BCKDHB: variants seen among roughly 807,000 people sequenced by gnomAD.
BCKDHB encodes the protein branched chain keto acid dehydrogenase E1 subunit beta.
A neutral mutation model predicts 48.5 loss-of-function variants in BCKDHB; 41 were observed. The observed-to-expected ratio is 0.85, with a 90% CI of 0.66 to 1.10. The LOEUF is 1.10. Ranked by LOEUF, BCKDHB falls within the 50% of genes least tolerant of loss-of-function variation. The pLI, the probability that BCKDHB is intolerant of heterozygous loss-of-function variation, is 0.00. For synonymous variants in BCKDHB, 201 were observed against 174.8 expected, an observed-to-expected ratio of 1.15 and a Z score of -1.18; for missense variants, 496 against 494.2, an observed-to-expected ratio of 1.00 and a Z score of -0.03.
At chr6:80,349,398 C>A (rs1489956801), downstream of BCKDHB, among the ~76,000 whole-genome samples, 3 of 151,722 alleles carry the variant, frequency 2.0e-5, no homozygotes, top group Non-Finnish European at 2.9e-5. Context: ...AGAAATAGCC[C>A]CTGCAACACA....
At chr6:80,400,363 AT>A in the BCKDHB span, among the ~76,000 whole-genome samples, 4 of 152,020 alleles carry the variant, frequency 2.6e-5, no homozygotes, top group Non-Finnish European at 5.9e-5. Context: ...AAAAACTTAA[AT>A]TTACAAAAAA....
chr6:80,379,425 T>C, the BCKDHB span, among the ~76,000 whole-genome samples: 1 of 151,930 alleles, frequency 6.6e-6, no homozygotes, highest in African/African-American at 2.4e-5. Context: ...CTCAACAAAC[T>C]AGGCATAAAT....
At chr6:80,148,655 A>G (rs983610928) in intron 3 of BCKDHB, among the ~76,000 whole-genome samples, 3 of 152,152 alleles carry the variant, frequency 2.0e-5, no homozygotes, top group African/African-American at 7.2e-5. Context: ...AGCTCTGATC[A>G]TAACACTTCT....
the BCKDHB span, among the ~76,000 whole-genome samples, chr6:80,387,711 G>T: frequency 6.6e-6 from 1 of 152,194 alleles, no homozygotes; most frequent in Non-Finnish European, 1.5e-5. Flanking sequence ...GCCTTTAGCT[G>T]GCAAGGCCAG....
intron 8 of BCKDHB, among the ~76,000 whole-genome samples, chr6:80,217,622 C>T (rs998658147): frequency 6.6e-6 from 1 of 152,164 alleles, no homozygotes; most frequent in African/African-American, 2.4e-5. Flanking sequence ...CATCTTCCTT[C>T]CCTGCCCCTA....
At chr6:80,447,530 T>C in the BCKDHB span, among the ~76,000 whole-genome samples, 1 of 151,436 alleles carries the variant, frequency 6.6e-6, no homozygotes, top group Non-Finnish European at 1.5e-5. Context: ...ATACACATTA[T>C]AGTTAACAAA....
rs112914412 is a variant in BCKDHB, at chr6:80,171,075, A to C, written c.634-207A>C. Reference sequence around the variant, plus strand: ...TATCTTAGTTAACAGAACATGGTAGACATCTGATAAATATCTGTTGAATAA... The same window carrying C: ...TATCTTAGTTAACAGAACATGGTAGCCATCTGATAAATATCTGTTGAATAA... On this transcript the variant is annotated intron_variant, in intron 5 of 9. Coordinates refer to ENST00000320393, the MANE Select transcript of BCKDHB (RefSeq NM_183050.4). Among the ~76,000 whole-genome samples, 265 of 152,216 alleles carry C rather than the reference A, an allele frequency of 1.7e-3. 1 individual carries two copies. The highest frequency in any genetic ancestry group is 6.0e-3 in the African/African-American group (251 of 41,568).
chr6:80,418,484 G>T, the BCKDHB span, among the ~76,000 whole-genome samples: 1 of 151,702 alleles, frequency 6.6e-6, no homozygotes. Flanking sequence ...TCCTATTTTT[G>T]ACCTTGAGGG....
At chr6:80,334,527 G>C (rs561756199) in intron 9 of BCKDHB, among the ~76,000 whole-genome samples, 7 of 151,972 alleles carry the variant, frequency 4.6e-5, no homozygotes, top group Admixed American at 1.3e-4. Flanking sequence ...TAAAATTGCA[G>C]TGATCTGGTG....
the BCKDHB span, among the ~76,000 whole-genome samples, chr6:80,372,091 T>C: frequency 6.6e-6 from 1 of 152,170 alleles, no homozygotes; most frequent in Non-Finnish European, 1.5e-5. Flanking sequence ...ATTTTCACCA[T>C]AATGATTCTA....
At position 80,343,659 on chromosome 6, in the gene BCKDHB, T is replaced by C. The variant is rs879095937; in HGVS notation, c.1039-5T>C. On this transcript the variant is annotated splice_polypyrimidine_tract_variant and splice_region_variant and intron_variant, in intron 9 of 9. Transcript: ENST00000320393. The stretch of plus-strand genomic sequence containing the variant: ...TGAAGTTAAGCATCCTGACTCTGTC[T>C]GCAGGAGGAATGTTTCTTGAACCTA... 1 of 1,614,032 alleles carries C rather than the reference T, an allele frequency of 6.2e-7. No homozygotes were observed. The highest frequency in any genetic ancestry group is 1.1e-5 in the South Asian group (1 of 91,078).
chr6:80,367,650 G>A, the BCKDHB span, among the ~76,000 whole-genome samples: 1 of 152,236 alleles, frequency 6.6e-6, no homozygotes, highest in Non-Finnish European at 1.5e-5. Flanking sequence ...ACACCAACAA[G>A]TTCTGGTTTG....
chr6:80,454,416 A>G, the BCKDHB span, among the ~76,000 whole-genome samples: 5 of 152,136 alleles, frequency 3.3e-5, no homozygotes, highest in Non-Finnish European at 5.9e-5. Flanking sequence ...TTGGCCACAC[A>G]CTACTGAGGT....
intron 1 of BCKDHB, among the ~76,000 whole-genome samples, chr6:80,123,728 T>A: frequency 6.6e-6 from 1 of 152,144 alleles, no homozygotes; most frequent in Admixed American, 6.6e-5. Context: ...TCTGTGGGAT[T>A]GGTGGTGATA....
At chr6:80,302,480 T>A (rs944967394) in intron 9 of BCKDHB, among the ~76,000 whole-genome samples, 17 of 152,290 alleles carry the variant, frequency 1.1e-4, no homozygotes, top group African/African-American at 4.1e-4. Flanking sequence ...ACCTTTTCCT[T>A]TTGCAAAATG....
chr6:80,112,158 A>G (rs1201939742), intron 1 of BCKDHB, among the ~76,000 whole-genome samples: 1 of 152,238 alleles, frequency 6.6e-6, no homozygotes, highest in Non-Finnish European at 1.5e-5. Flanking sequence ...CATACAAATA[A>G]ACACATCTAG....
chr6:80,195,375 T>C (rs1216858548), intron 6 of BCKDHB, among the ~76,000 whole-genome samples: 2 of 152,092 alleles, frequency 1.3e-5, no homozygotes, highest in African/African-American at 4.8e-5. Flanking sequence ...TTCTTTCTTA[T>C]CTCTAGCATC....
chr6:80,420,818 C>G, the BCKDHB span, among the ~76,000 whole-genome samples: 1 of 152,176 alleles, frequency 6.6e-6, no homozygotes, highest in South Asian at 2.1e-4. Flanking sequence ...GGCAGTGTCC[C>G]ATAAGGTTAA....
At chr6:80,420,172 C>T in the BCKDHB span, among the ~76,000 whole-genome samples, 7 of 152,180 alleles carry the variant, frequency 4.6e-5, no homozygotes, top group Admixed American at 2.0e-4. Context: ...TCAGCCACTA[C>T]CCACTGGAAC....
Sources: allele counts gnomAD v4.1 joint callset (sites outside exome capture counted in the v4.1 genomes callset), GRCh38; gene constraint gnomAD v4.1.1; transcripts MANE v1.5; gene names NCBI Gene and HGNC (gene_info 2026-07-23, HGNC 2026-07-21).